ABCD2: variants seen among roughly 807,000 people sequenced by gnomAD.
ABCD2 encodes the protein ATP binding cassette subfamily D member 2, also known as ATP-binding cassette sub-family D member 2.
A neutral mutation model predicts 70.9 loss-of-function variants in ABCD2; 36 were observed. That is an observed-to-expected ratio of 0.51 (90% CI 0.39 to 0.67). ABCD2 has a LOEUF of 0.67. Among genes scored for constraint, ABCD2 ranks in the 30% least tolerant of loss-of-function variants. The pLI, the probability that ABCD2 is intolerant of heterozygous loss-of-function variation, is 0.00. For synonymous variants in ABCD2, 304 were observed against 306.9 expected (o/e 0.99, Z 0.10); for missense variants, 729 against 890.2 (o/e 0.82, Z 2.30).
intron 9 of ABCD2, among the ~76,000 whole-genome samples, chr12:39,567,484 T>A (rs1462154174): frequency 6.6e-6 from 1 of 152,214 alleles, no homozygotes; most frequent in Non-Finnish European, 1.5e-5. Flanking sequence ...ATTTGCTTGG[T>A]AGATCTTCCT....
intron 9 of ABCD2, among the ~76,000 whole-genome samples, chr12:39,565,681 G>A (rs1941334703): frequency 6.6e-6 from 1 of 152,184 alleles, no homozygotes; most frequent in African/African-American, 2.4e-5. Flanking sequence ...TAAGAGTGGT[G>A]AGAGAGGGCA....
intron 9 of ABCD2, among the ~76,000 whole-genome samples, chr12:39,563,112 C>T (rs560704813): frequency 6.6e-6 from 1 of 152,178 alleles, no homozygotes. Context: ...AATTGAACAT[C>T]CTTTTATGCT....
At chr12:39,536,754 T>A in the ABCD2 span, among the ~76,000 whole-genome samples, 1 of 152,198 alleles carries the variant, frequency 6.6e-6, no homozygotes, top group Non-Finnish European at 1.5e-5. Context: ...AAATGTTTAC[T>A]TTTCATTTTA....
At chr12:39,591,502 A>C (rs1157297887) in intron 6 of ABCD2, among the ~76,000 whole-genome samples, 3 of 152,128 alleles carry the variant, frequency 2.0e-5, no homozygotes, top group Non-Finnish European at 4.4e-5. Context: ...ACCTGAGGTC[A>C]GAAGTTTGAG....
At position 39,586,247 on chromosome 12, in the gene ABCD2, G is replaced by A; in HGVS notation, c.1697C>T (p.Ser566Leu). ...ACCTTTATCATGCATATCATCCACT[G>A]AATCAGGGTAAATGACTTGATCCCG... ...SLRDQVIYPDSVDDMHDKGYT... is the reference protein window; with the variant it reads ...SLRDQVIYPDLVDDMHDKGYT... Residue 566 changes from serine to leucine, a missense_variant, in exon 7 of 10, where the codon TCA (serine) becomes TTA (leucine). Physicochemically the swap from Ser to Leu is moderately radical, Grantham distance 145. Around this residue, in one of 3 missense-constraint regions of ABCD2, gnomAD observed 289 missense variants for 328.8 expected, o/e 0.88. Coordinates refer to ENST00000308666, the MANE Select transcript of ABCD2 (RefSeq NM_005164.4). The A allele has an allele frequency of 1.9e-6, 3 of 1,613,568 alleles. No homozygotes were observed. The highest frequency in any genetic ancestry group is 2.5e-6 in the Non-Finnish European group (3 of 1,179,680).
intron 9 of ABCD2, among the ~76,000 whole-genome samples, chr12:39,559,927 A>G (rs2120542347): frequency 1.3e-5 from 2 of 152,360 alleles, no homozygotes; most frequent in Middle Eastern, 6.8e-3. Flanking sequence ...AAAACATTAG[A>G]AAGTATAAAA....
chr12:39,540,643 A>AGGGG, the ABCD2 span, among the ~76,000 whole-genome samples: 2 of 152,226 alleles, frequency 1.3e-5, no homozygotes, highest in Non-Finnish European at 2.9e-5. Flanking sequence ...ATTGTATCTA[A>AGGGG]GGGCAGCCAC....
the ABCD2 span, among the ~76,000 whole-genome samples, chr12:39,534,751 A>AAGAAGGAAGGAAG: frequency 4.8e-4 from 37 of 77,114 alleles, no homozygotes; most frequent in African/African-American, 1.7e-3. Context: ...AAGGAAGGAA[A>AAGAAGGAAGGAAG]GAAAGAAAGA....
chr12:39,597,515 A>C (rs1318972784), intron 6 of ABCD2, among the ~76,000 whole-genome samples: 1 of 152,166 alleles, frequency 6.6e-6, no homozygotes, highest in Non-Finnish European at 1.5e-5. Flanking sequence ...TGCAACAAGA[A>C]TTGACAGAAG....
chr12:39,600,803 G>T, intron 5 of ABCD2, 87 bp from the exon 6 acceptor site: 2 of 1,256,990 alleles, frequency 1.6e-6, no homozygotes, highest in Non-Finnish European at 1.1e-6. Context: ...TTTTTAAAAT[G>T]TTCGAAAACA....
At chr12:39,603,128 T>A (rs2120721974) in intron 5 of ABCD2, among the ~76,000 whole-genome samples, 1 of 152,292 alleles carries the variant, frequency 6.6e-6, no homozygotes, top group East Asian at 1.9e-4. Context: ...TGCAAATACA[T>A]CTTTAATAAT....
chr12:39,588,473 G>A (rs770591598), intron 6 of ABCD2, among the ~76,000 whole-genome samples: 17 of 152,260 alleles, frequency 1.1e-4, no homozygotes, highest in Non-Finnish European at 8.8e-5. Context: ...AGACAGAGAT[G>A]GGAGTTACTG....
chr12:39,606,023 C>A (rs185684535), intron 3 of ABCD2, among the ~76,000 whole-genome samples: 19 of 152,020 alleles, frequency 1.2e-4, no homozygotes, highest in Non-Finnish European at 2.4e-4. Context: ...TCTGGAAGAA[C>A]CTCTTGAGTT....
intron 9 of ABCD2, among the ~76,000 whole-genome samples, chr12:39,560,547 A>G (rs984343084): frequency 1.3e-5 from 2 of 152,200 alleles, no homozygotes; most frequent in South Asian, 4.1e-4. Flanking sequence ...ATATAAAAAG[A>G]TGTAAATTGT....
intron 9 of ABCD2, among the ~76,000 whole-genome samples, chr12:39,569,260 T>C (rs529218306): frequency 7.8e-4 from 119 of 152,330 alleles, no homozygotes; most frequent in Non-Finnish European, 9.7e-4. Context: ...CTCCTTGAGC[T>C]GTGGTGGGCT....
the ABCD2 span, among the ~76,000 whole-genome samples, chr12:39,532,250 G>A: frequency 6.6e-6 from 1 of 152,224 alleles, no homozygotes. Context: ...AGTTAGATGA[G>A]TTATTCACAT....
At chr12:39,581,528 T>G (rs1488832142) in intron 7 of ABCD2, among the ~76,000 whole-genome samples, 1 of 152,214 alleles carries the variant, frequency 6.6e-6, no homozygotes, top group African/African-American at 2.4e-5. Context: ...TTTAGAGTTC[T>G]TGCTTCTAGG....
rs1187227926 is a variant in ABCD2, at chr12:39,550,847, C to T, written c.*3065G>A. 3 of 151,726 alleles carry T rather than the reference C, an allele frequency of 2.0e-5. No individual in the cohort carries two copies. The highest frequency in any genetic ancestry group is 3.9e-4 in the East Asian group (2 of 5,180). 9.4% of individuals were successfully genotyped at this position (151,726 alleles called of 1,614,324 possible). A position where few individuals can be genotyped will look rare whatever the true frequency, so the allele number is the denominator to read the frequency against. On this transcript the variant is annotated 3_prime_UTR_variant, in exon 10 of 10. Transcript: ENST00000308666. Reference sequence around the variant, plus strand: ...TGTAACATTCTCTGGACTTGGGTTTCAATGTGTAACAGATTTTCCTAGACT... The same window carrying T: ...TGTAACATTCTCTGGACTTGGGTTTTAATGTGTAACAGATTTTCCTAGACT...
chr12:39,593,441 G>A (rs1197277913), intron 6 of ABCD2, among the ~76,000 whole-genome samples: 1 of 151,984 alleles, frequency 6.6e-6, no homozygotes, highest in East Asian at 1.9e-4. Context: ...TTGTATTGAC[G>A]GGGTCCCCCT....
Sources: allele counts gnomAD v4.1 joint callset (sites outside exome capture counted in the v4.1 genomes callset), GRCh38; gene constraint gnomAD v4.1.1; regional missense constraint gnomAD v4.1.1; transcripts MANE v1.5; gene names NCBI Gene and HGNC (gene_info 2026-07-23, HGNC 2026-07-21).